TRAPPC3: variants seen among roughly 807,000 people sequenced by gnomAD.
TRAPPC3 encodes trafficking protein particle complex subunit 3.
In TRAPPC3, 5 loss-of-function variants were observed where a neutral mutation model predicts 18.2. The ratio of observed to expected loss-of-function variants is 0.28; its 90% CI spans 0.14 to 0.58. TRAPPC3 has a LOEUF of 0.58. TRAPPC3 is among the 20% of genes least tolerant of loss of function. The pLI is 0.91. For missense variants in TRAPPC3, 176 were observed against 225.9 expected (o/e 0.78, Z 1.41); for synonymous variants, 65 against 84.2 (o/e 0.77, Z 1.25).
At chr1:36,145,093 C>T (rs191304486) in intron 1 of TRAPPC3, among the ~76,000 whole-genome samples, 152 of 152,184 alleles carry the variant, frequency 1.0e-3, no homozygotes, top group African/African-American at 3.1e-3. Flanking sequence ...GCAATCTTGG[C>T]TCACTGCAAG....
At chr1:36,149,178 C>A in intron 1 of TRAPPC3, 159 bp downstream of exon 1, 1 of 1,484,780 alleles carries the variant, frequency 6.7e-7, no homozygotes, top group South Asian at 1.3e-5. Flanking sequence ...GGTCCCCTCA[C>A]CTGCCTGGAA....
chr1:36,147,871 G>T (rs1557762914), intron 1 of TRAPPC3, among the ~76,000 whole-genome samples: 2 of 152,096 alleles, frequency 1.3e-5, no homozygotes, highest in Non-Finnish European at 2.9e-5. Flanking sequence ...CTGGGGGCTG[G>T]GGGTAGAGTC....
At chr1:36,150,735 G>A (rs558015505), upstream of TRAPPC3, among the ~76,000 whole-genome samples, 8 of 152,218 alleles carry the variant, frequency 5.3e-5, no homozygotes, top group Non-Finnish European at 1.0e-4. Context: ...TCTCCATCCT[G>A]TGTAATGCCA....
upstream of TRAPPC3, among the ~76,000 whole-genome samples, chr1:36,153,282 TG>T (rs1644285000): frequency 6.6e-6 from 1 of 152,122 alleles, no homozygotes; most frequent in African/African-American, 2.4e-5. Flanking sequence ...TGCTGGGGCC[TG>T]GAATCTGCCA....
In TRAPPC3 at chr1:36,137,819, C is replaced by T. The variant is rs896482814; in HGVS notation, c.400G>A (p.Val134Met). Residue 134 changes from valine (V) to methionine (M), a missense_variant, in exon 4 of 5, where the codon GTG becomes ATG. This residue lies in a region of TRAPPC3 where 147 missense variants were observed against 164.3 expected (regional missense o/e 0.89). Transcript: ENST00000373166. Reference protein sequence around the residue: ...SLIYSNLLCGVLRGALEMVQM... With the variant: ...SLIYSNLLCGMLRGALEMVQM... ...ACCATCTCCAAAGCTCCCCGCAACA[C>T]CCCACACAAGAGATTGGAATAAATA... is the stretch of plus-strand genomic sequence containing the variant. 1.2e-6 allele frequency: 2 copies of T among 1,613,970 alleles called. No individual in the cohort carries two copies. The highest frequency in any genetic ancestry group is 1.7e-6 in the Non-Finnish European group (2 of 1,179,992).
intron 1 of TRAPPC3, chr1:36,149,105 G>T: frequency 1.3e-4 from 181 of 1,404,238 alleles, no homozygotes; most frequent in East Asian, 2.4e-4. Flanking sequence ...CGTTGTTGTT[G>T]GCTTAGCACA....
intron 1 of TRAPPC3, among the ~76,000 whole-genome samples, chr1:36,141,874 C>T (rs1178839180): frequency 6.7e-6 from 1 of 148,794 alleles, no homozygotes; most frequent in Non-Finnish European, 1.5e-5. Context: ...AGGAGAATCG[C>T]TAGAACCCGG....
intron 4 of TRAPPC3, 44 bp downstream of exon 4, chr1:36,137,752 C>T (rs772181329): frequency 6.3e-7 from 1 of 1,580,732 alleles, no homozygotes; most frequent in East Asian, 2.2e-5. Context: ...TATCAAGTCC[C>T]TATTGCATTT....
chr1:36,144,696 C>T (rs1323576424), intron 1 of TRAPPC3, among the ~76,000 whole-genome samples: 2 of 152,194 alleles, frequency 1.3e-5, no homozygotes, highest in Non-Finnish European at 2.9e-5. Flanking sequence ...GCTGTGAGTA[C>T]TTAGGTAAAT....
At position 36,137,923 on chromosome 1, in the gene TRAPPC3, G is replaced by C. The variant is rs1376654087; in HGVS notation, c.296C>G (p.Ala99Gly). The C allele has an allele frequency of 6.2e-7, 1 of 1,614,224 alleles. No homozygotes were observed. The highest frequency in any genetic ancestry group is 2.2e-5 in the East Asian group (1 of 44,888). ...CAAAATGAGGGAGAATTCATCACCA[G>C]CTGGGCTCCAATTAGTAATGCTTGG... is the stretch of plus-strand genomic sequence containing the variant. ...ITPSITNWSP[A>G]GDEFSLILEN... Residue 99 changes from alanine to glycine, a missense_variant, in exon 4 of 5, where the codon GCT becomes GGT. Coordinates refer to ENST00000373166, the MANE Select transcript of TRAPPC3 (RefSeq NM_014408.5).
At chr1:36,142,129 AG>A (rs1644126254) in intron 1 of TRAPPC3, among the ~76,000 whole-genome samples, 1 of 152,194 alleles carries the variant, frequency 6.6e-6, no homozygotes, top group Non-Finnish European at 1.5e-5. Flanking sequence ...AAACAAAAAC[AG>A]AAGAAAAAAA....
intron 1 of TRAPPC3, among the ~76,000 whole-genome samples, chr1:36,143,865 T>C (rs1644152516): frequency 6.6e-6 from 1 of 152,218 alleles, no homozygotes; most frequent in Non-Finnish European, 1.5e-5. Context: ...CAATGTTACC[T>C]GCCTTTCAGA....
intron 1 of TRAPPC3, among the ~76,000 whole-genome samples, chr1:36,147,795 A>T (rs78462940): frequency 0.029 from 4,476 of 152,228 alleles, 447 homozygotes; most frequent in East Asian, 0.23. Context: ...GAGTTCCAAG[A>T]GCCTTGAGGG....
At chr1:36,140,379 G>C (rs1644089754) in intron 1 of TRAPPC3, 1 of 429,640 alleles carries the variant, frequency 2.3e-6, no homozygotes, top group Non-Finnish European at 4.1e-6. Context: ...GGCTGTAAAA[G>C]GCACCTCATG....
intron 1 of TRAPPC3, among the ~76,000 whole-genome samples, chr1:36,143,914 GT>G (rs1351946418): frequency 2.6e-5 from 4 of 152,134 alleles, no homozygotes; most frequent in Non-Finnish European, 4.4e-5. Flanking sequence ...ATCAGATAAT[GT>G]TTGTGGAGCA....
Position 36,143,672 on chromosome 1 carries a change from C to G in TRAPPC3, c.43-3506G>C, listed in dbSNP as rs185358337. 1.7e-4 allele frequency among the ~76,000 whole-genome samples: 26 copies of G among 152,306 alleles called. No homozygotes were observed. The South Asian group carries it at 2.1e-3, about 12-fold the overall frequency. On this transcript the variant is annotated intron_variant, in intron 1 of 4. Transcript: ENST00000373166. ...CACATCTATTTTTGTAACAGTTTCT[C>G]ATAACAACCACGAGAGGTTAGCAGA...
chr1:36,150,980 ACT>A (rs1285452833), upstream of TRAPPC3, among the ~76,000 whole-genome samples: 1 of 151,982 alleles, frequency 6.6e-6, no homozygotes, highest in African/African-American at 2.4e-5. Context: ...CCTGAGTCAC[ACT>A]CACAGCCAGC....
chr1:36,149,458 C>A lies in TRAPPC3; in HGVS notation c.-80G>T. 1 of 1,560,674 alleles carries A rather than the reference C, an allele frequency of 6.4e-7. No individual in the cohort carries two copies. The highest frequency in any genetic ancestry group is 8.7e-7 in the Non-Finnish European group (1 of 1,148,352). ...GCAGACGCCGGAGCCTAAGCCGCTG[C>A]CCCTCAGCCCACAAGACCGACCGGC... On this transcript the variant is annotated 5_prime_UTR_variant, in exon 1 of 5. Coordinates refer to ENST00000373166, the MANE Select transcript of TRAPPC3 (RefSeq NM_014408.5).
chr1:36,150,603 G>A (rs533551630), upstream of TRAPPC3, among the ~76,000 whole-genome samples: 1 of 152,350 alleles, frequency 6.6e-6, no homozygotes, highest in South Asian at 2.1e-4. Context: ...CTGGGGGGCC[G>A]CTGAGGCTGC....
Sources: allele counts gnomAD v4.1 joint callset (sites outside exome capture counted in the v4.1 genomes callset), GRCh38; gene constraint gnomAD v4.1.1; regional missense constraint gnomAD v4.1.1; transcripts MANE v1.5; gene names NCBI Gene and HGNC (gene_info 2026-07-23, HGNC 2026-07-21).